Variants in GP9 observed in about 807,000 individuals in gnomAD.
The protein encoded by GP9 is glycoprotein IX platelet.
For missense variants in GP9, 228 were observed against 241.8 expected, an observed-to-expected ratio of 0.94 and a Z score of 0.38; for synonymous variants, 116 against 116.7, an observed-to-expected ratio of 0.99 and a Z score of 0.04.
upstream of GP9, among the ~76,000 whole-genome samples, chr3:129,058,756 C>T (rs1482447913): frequency 6.6e-6 from 1 of 152,286 alleles, no homozygotes; most frequent in African/African-American, 2.4e-5. Context: ...TCTGGGCACA[C>T]TGCCTGTGGG....
upstream of GP9, among the ~76,000 whole-genome samples, chr3:129,057,434 G>A (rs1946530943): frequency 2.0e-5 from 3 of 152,176 alleles, no homozygotes; most frequent in South Asian, 6.2e-4. Flanking sequence ...GCAGGAAAGT[G>A]CTGGAGTGTT....
chr3:129,056,144 T>C (rs1328547935), upstream of GP9, among the ~76,000 whole-genome samples: 3 of 152,202 alleles, frequency 2.0e-5, no homozygotes, highest in African/African-American at 4.8e-5. Flanking sequence ...AGGCTAAGAC[T>C]ATTGCCCAAG....
chr3:129,055,689 G>A, the GP9 span, among the ~76,000 whole-genome samples: 1 of 151,022 alleles, frequency 6.6e-6, no homozygotes, highest in Non-Finnish European at 1.5e-5. Context: ...CTGTTGCCCA[G>A]GCTGGAGTGC....
chr3:129,062,336 C>G lies in GP9; in HGVS notation c.*63C>G. ...CCAGTCCCTGAGGCAGGTCCCCAGA[C>G]TCCACCAAGCCTGGTCAGCCCAAAC... On this transcript the variant is annotated 3_prime_UTR_variant, in exon 3 of 3. Coordinates refer to ENST00000307395, the MANE Select transcript of GP9 (RefSeq NM_000174.5). 1 of 1,204,012 alleles carries G rather than the reference C, an allele frequency of 8.3e-7. No individual in the cohort carries two copies. Among genetic ancestry groups the G allele is most frequent in the Admixed American group, 2.4e-5 (1 of 41,972 alleles). The allele number at this position is 1,204,012 out of a possible 1,614,324, so 74.6% of individuals were successfully genotyped here. A position where few individuals can be genotyped will look rare whatever the true frequency, so the allele number is the denominator to read the frequency against.
upstream of GP9, chr3:129,060,690 G>A (rs1946563868): frequency 1.3e-5 from 2 of 152,356 alleles, no homozygotes; most frequent in Non-Finnish European, 2.9e-5. Context: ...TCTGGAAATA[G>A]GCCCCAAGGC....
Position 129,061,943 on chromosome 3 carries a change from G to A in GP9, c.204G>A (p.Pro68=), listed in dbSNP as rs1314367921. Residue 68 remains proline, a synonymous_variant, in exon 3 of 3, where the codon CCG becomes CCA. Coordinates refer to ENST00000307395, the MANE Select transcript of GP9 (RefSeq NM_000174.5). ...LANNSLQSVP[P]GAFDHLPQLQ... ...ACAACAGCCTTCAGTCCGTGCCCCCGGGAGCCTTTGACCACCTGCCCCAGC... is the reference window on the plus strand; with the variant it reads ...ACAACAGCCTTCAGTCCGTGCCCCCAGGAGCCTTTGACCACCTGCCCCAGC... 8 of 1,613,824 alleles carry A rather than the reference G, an allele frequency of 5.0e-6. No individual in the cohort carries two copies. Among genetic ancestry groups the A allele is most frequent in the Middle Eastern group, 1.6e-4 (1 of 6,062 alleles).
intron 1 of GP9, among the ~76,000 whole-genome samples, 154 bp downstream of exon 1, chr3:129,061,004 T>C (rs1946569225): frequency 6.6e-6 from 1 of 152,318 alleles, no homozygotes; most frequent in Admixed American, 6.5e-5. Flanking sequence ...TTGACACTTA[T>C]TCACTGGAAA....
At chr3:129,056,418 T>C (rs574572688), upstream of GP9, among the ~76,000 whole-genome samples, 10 of 152,284 alleles carry the variant, frequency 6.6e-5, no homozygotes, top group Admixed American at 2.6e-4. Flanking sequence ...TGGGGGATAT[T>C]GAAAGATCCC....
upstream of GP9, among the ~76,000 whole-genome samples, chr3:129,056,134 A>G (rs1946520154): frequency 6.6e-6 from 1 of 152,236 alleles, no homozygotes; most frequent in Non-Finnish European, 1.5e-5. Flanking sequence ...AGGCAGAGAT[A>G]GGCTAAGACT....
At chr3:129,058,278 C>T (rs1259391121), upstream of GP9, among the ~76,000 whole-genome samples, 3 of 152,232 alleles carry the variant, frequency 2.0e-5, no homozygotes, top group Non-Finnish European at 4.4e-5. Context: ...TTGGCCTTCG[C>T]CTTGGTTCCT....
At chr3:129,058,393 AG>A (rs1032289575), upstream of GP9, among the ~76,000 whole-genome samples, 35 of 152,360 alleles carry the variant, frequency 2.3e-4, 1 homozygote, top group Non-Finnish European at 1.8e-4. Flanking sequence ...GAGGTAGATC[AG>A]CAGGACCTGT....
the GP9 span, among the ~76,000 whole-genome samples, chr3:129,054,952 G>A: frequency 6.6e-6 from 1 of 152,206 alleles, no homozygotes; most frequent in Non-Finnish European, 1.5e-5. Context: ...GTGAGAACAG[G>A]TTCATTCTTT....
Position 129,061,548 on chromosome 3 carries a change from G to A in GP9, c.-84G>A. On this transcript the variant is annotated 5_prime_UTR_variant, in exon 2 of 3. Transcript: ENST00000307395. ...TCCAGAGACAGTTAGCCAGGCCTGG[G>A]CTGGGCACACTCCACCTTCCCTAGT... 1.6e-6 allele frequency: 1 copy of A among 644,228 alleles called. No individual in the cohort carries two copies. The highest frequency in any genetic ancestry group is 2.2e-5 in the Admixed American group (1 of 44,794). The allele number at this position is 644,228 out of a possible 1,614,324, so 39.9% of individuals were successfully genotyped here.
chr3:129,061,982 T>A lies in GP9; in HGVS notation c.243T>A (p.Asp81Glu). ...ACCTGCCCCAGCTGCAGACCCTCGATGTGACGCAGAACCCCTGGCACTGTG... is the reference window on the plus strand; with the variant it reads ...ACCTGCCCCAGCTGCAGACCCTCGAAGTGACGCAGAACCCCTGGCACTGTG... ...FDHLPQLQTLDVTQNPWHCDC... is the reference protein window; with the variant it reads ...FDHLPQLQTLEVTQNPWHCDC... Residue 81 changes from aspartate (D) to glutamate (E), a missense_variant, in exon 3 of 3, where the codon GAT becomes GAA. Asp to Glu is a conservative substitution (Grantham distance 45, BLOSUM62 2). Coordinates refer to ENST00000307395, the MANE Select transcript of GP9 (RefSeq NM_000174.5). 4 of 1,613,800 alleles carry A rather than the reference T, an allele frequency of 2.5e-6. No homozygotes were observed. Among genetic ancestry groups the A allele is most frequent in the Non-Finnish European group, 3.4e-6 (4 of 1,179,860 alleles).
At chr3:129,058,717 G>T (rs923417537), upstream of GP9, among the ~76,000 whole-genome samples, 15 of 152,256 alleles carry the variant, frequency 9.9e-5, no homozygotes, top group African/African-American at 2.9e-4. Context: ...GGCTGTAAGT[G>T]CAGTTGCCAA....
chr3:129,057,827 CTTCTT>C (rs1553772792), upstream of GP9, among the ~76,000 whole-genome samples: 56 of 136,306 alleles, frequency 4.1e-4, no homozygotes, highest in African/African-American at 1.5e-3. Context: ...TTATAGGTTG[CTTCTT>C]TTTTTTTTTT....
Position 129,062,359 on chromosome 3 carries a change from A to G in GP9, c.*86A>G, listed in dbSNP as rs1946590666. ...GACTCCACCAAGCCTGGTCAGCCCAAACCACCAGAAGCCCAGAATAAACTG... is the reference window on the plus strand; with the variant it reads ...GACTCCACCAAGCCTGGTCAGCCCAGACCACCAGAAGCCCAGAATAAACTG... On this transcript the variant is annotated 3_prime_UTR_variant, in exon 3 of 3. Coordinates refer to ENST00000307395, the MANE Select transcript of GP9 (RefSeq NM_000174.5). The G allele has an allele frequency of 1.1e-6, 1 of 922,070 alleles. No individual in the cohort carries two copies. The highest frequency in any genetic ancestry group is 2.8e-5 in the Admixed American group (1 of 35,344). The allele number at this position is 922,070 out of a possible 1,614,324, so 57.1% of individuals were successfully genotyped here. A position where few individuals can be genotyped will look rare whatever the true frequency, so the allele number is the denominator to read the frequency against.
At chr3:129,056,586 A>C (rs1004298254), upstream of GP9, among the ~76,000 whole-genome samples, 1 of 152,126 alleles carries the variant, frequency 6.6e-6, no homozygotes, top group Non-Finnish European at 1.5e-5. Context: ...ATTGCCTGAG[A>C]GGCTCAACCA....
chr3:129,061,545 T>C lies in GP9; in HGVS notation c.-87T>C, dbSNP rs146474708. On this transcript the variant is annotated 5_prime_UTR_variant, in exon 2 of 3. Coordinates refer to ENST00000307395, the MANE Select transcript of GP9 (RefSeq NM_000174.5). ...GTGTCCAGAGACAGTTAGCCAGGCC[T>C]GGGCTGGGCACACTCCACCTTCCCT... is the stretch of plus-strand genomic sequence containing the variant. 945 of 637,224 alleles carry C rather than the reference T, an allele frequency of 1.5e-3. 2 individuals are homozygous for C. In the African/African-American group the frequency reaches 0.015, roughly 10 times the overall value. 39.5% of individuals were successfully genotyped at this position (637,224 alleles called of 1,614,324 possible).
Sources: gnomAD v4.1 joint callset for allele counts (sites outside exome capture counted in the v4.1 genomes callset) on GRCh38, gnomAD v4.1.1 for gene constraint, MANE v1.5 for transcripts, NCBI Gene and HGNC (gene_info 2026-07-23, HGNC 2026-07-21) for gene names.